Variants in RELN observed in about 807,000 individuals in gnomAD.
The protein encoded by RELN is reelin.
Under a neutral mutation model 427.6 loss-of-function variants are expected in RELN, and 108 were observed. The ratio of observed to expected loss-of-function variants is 0.25; its 90% confidence interval spans 0.22 to 0.30. The LOEUF is 0.30. Among genes scored for constraint, RELN ranks in the 10% least tolerant of loss-of-function variants. RELN has a pLI of 1.00. For synonymous variants in RELN, 1,524 were observed against 1,513.4 expected, an observed-to-expected ratio of 1.01 and a Z score of -0.16; for missense variants, 3,715 against 4,302.8, an observed-to-expected ratio of 0.86 and a Z score of 3.82.
At chr7:103,806,716 G>A (rs1009347789) in intron 3 of RELN, among the ~76,000 whole-genome samples, 9 of 152,060 alleles carry the variant, frequency 5.9e-5, no homozygotes, top group Non-Finnish European at 8.8e-5. Flanking sequence ...AAGAGAATCC[G>A]AAAAGTGAAT....
At position 103,772,739 on chromosome 7, in the gene RELN, C is replaced by T. The variant is rs562278276; in HGVS notation, c.544+3818G>A. Reference sequence around the variant, plus strand: ...TGCAGATAGCACCAGGATGATAGAGCGAGGTGCATTCAGGGAGTTTTAAGG... The same window carrying T: ...TGCAGATAGCACCAGGATGATAGAGTGAGGTGCATTCAGGGAGTTTTAAGG... On this transcript the variant is annotated intron_variant, in intron 4 of 64. Transcript: ENST00000428762. 3.9e-5 allele frequency among the ~76,000 whole-genome samples: 6 copies of T among 152,154 alleles called. No homozygotes were observed. In the East Asian group the frequency reaches 9.7e-4, roughly 24 times the overall value.
intron 1 of RELN, among the ~76,000 whole-genome samples, chr7:103,987,112 G>T (rs1797119267): frequency 6.8e-6 from 1 of 146,900 alleles, no homozygotes. Context: ...AAGGCCTATA[G>T]CTACAGCTAG....
chr7:103,600,180 AACC>A (rs1413388016), intron 24 of RELN, among the ~76,000 whole-genome samples: 1 of 152,206 alleles, frequency 6.6e-6, no homozygotes, highest in Non-Finnish European at 1.5e-5. Context: ...TACAGGTGTG[AACC>A]ACCACATCTG....
At chr7:103,508,938 TACAAG>T (rs1025348465) in intron 51 of RELN, among the ~76,000 whole-genome samples, 26 of 152,260 alleles carry the variant, frequency 1.7e-4, no homozygotes, top group Middle Eastern at 3.4e-3. Flanking sequence ...TAATACAACT[TACAAG>T]GGATGTGAAG....
intron 1 of RELN, among the ~76,000 whole-genome samples, chr7:103,948,038 CTT>C (rs1796255050): frequency 6.6e-6 from 1 of 152,100 alleles, no homozygotes; most frequent in Non-Finnish European, 1.5e-5. Flanking sequence ...AATAACATTA[CTT>C]TTGTTTCAGT....
At chr7:103,771,593 T>C (rs77502392) in intron 4 of RELN, among the ~76,000 whole-genome samples, 2 of 152,146 alleles carry the variant, frequency 1.3e-5, no homozygotes, top group Non-Finnish European at 2.9e-5. Context: ...TTGATTATCT[T>C]TTCTTCCAAA....
intron 15 of RELN, among the ~76,000 whole-genome samples, chr7:103,651,163 T>C (rs1832906258): frequency 6.6e-6 from 1 of 152,138 alleles, no homozygotes; most frequent in Non-Finnish European, 1.5e-5. Flanking sequence ...ATTTTTACTA[T>C]TCTCATAATG....
At chr7:103,735,966 G>A (rs541154467) in intron 6 of RELN, among the ~76,000 whole-genome samples, 4 of 152,154 alleles carry the variant, frequency 2.6e-5, no homozygotes, top group East Asian at 1.9e-4. Context: ...CTTTAAAACC[G>A]AAAAAGGAAA....
At chr7:103,959,762 A>G (rs1796509229) in intron 1 of RELN, among the ~76,000 whole-genome samples, 1 of 151,840 alleles carries the variant, frequency 6.6e-6, no homozygotes. Context: ...AGCATGCACC[A>G]CCACACTTGG....
Position 103,565,545 on chromosome 7 carries a change from G to T in RELN, c.4943C>A (p.Pro1648His), listed in dbSNP as rs749050390. 4 of 1,602,112 alleles carry T rather than the reference G, an allele frequency of 2.5e-6. No homozygotes were observed. Among genetic ancestry groups the T allele is most frequent in the South Asian group, 1.1e-5 (1 of 90,578 alleles). Residue 1648 changes from proline (P) to histidine (H), a missense_variant, in exon 34 of 65, where the codon CCT (proline) becomes CAT (histidine). Physicochemically the swap from Pro to His is moderately conservative, Grantham distance 77 (BLOSUM62 -2). Transcript: ENST00000428762. ...AAAATCCCAGGTCTCAGCATAACGA[G>T]GTTTTCCTGAAAAAAAAAAATGTGT... is the stretch of plus-strand genomic sequence containing the variant. ...ALIFTENIGK[P>H]RYAETWDFHV...
At chr7:103,955,346 T>C (rs1471416391) in intron 1 of RELN, among the ~76,000 whole-genome samples, 1 of 152,192 alleles carries the variant, frequency 6.6e-6, no homozygotes, top group African/African-American at 2.4e-5. Flanking sequence ...CCATGAACAG[T>C]AACTAAATTC....
At chr7:103,529,726 T>C (rs1197269825) in intron 46 of RELN, among the ~76,000 whole-genome samples, 3 of 152,146 alleles carry the variant, frequency 2.0e-5, no homozygotes, top group Non-Finnish European at 4.4e-5. Context: ...ACTAATACAG[T>C]GGTTAAGCTC....
intron 3 of RELN, among the ~76,000 whole-genome samples, chr7:103,798,174 A>G (rs1563019764): frequency 6.6e-6 from 1 of 152,296 alleles, no homozygotes; most frequent in East Asian, 1.9e-4. Flanking sequence ...GTTACTGAAT[A>G]TACCTCATTG....
chr7:103,692,207 A>C (rs1038731931), intron 10 of RELN, among the ~76,000 whole-genome samples: 2 of 152,156 alleles, frequency 1.3e-5, no homozygotes, highest in African/African-American at 4.8e-5. Context: ...ACGAAGGGGC[A>C]AGGAGCCCTC....
At chr7:103,794,241 G>A (rs1792241726) in intron 3 of RELN, among the ~76,000 whole-genome samples, 1 of 152,116 alleles carries the variant, frequency 6.6e-6, no homozygotes, top group Admixed American at 6.5e-5. Flanking sequence ...CTGGGCTCAA[G>A]GTTCAGGCAC....
At chr7:103,490,610 A>C in intron 59 of RELN, 58 bp downstream of exon 59, 2 of 1,571,988 alleles carry the variant, frequency 1.3e-6, no homozygotes, top group Non-Finnish European at 1.8e-6. Flanking sequence ...AGCTCACTGC[A>C]TGAACTCTGT....
chr7:103,817,389 A>T (rs1390445988), intron 3 of RELN, among the ~76,000 whole-genome samples: 2 of 152,210 alleles, frequency 1.3e-5, no homozygotes, highest in African/African-American at 4.8e-5. Flanking sequence ...GACAGGATCT[A>T]AATATGTGGC....
chr7:103,475,917 T>C (rs1828015987), intron 64 of RELN, among the ~76,000 whole-genome samples: 1 of 152,126 alleles, frequency 6.6e-6, no homozygotes, highest in Admixed American at 6.5e-5. Flanking sequence ...ATTTTAAATA[T>C]ATTTCTAATT....
At chr7:103,482,036 T>C (rs1349244049) in intron 63 of RELN, 1 of 152,010 alleles carries the variant, frequency 6.6e-6, no homozygotes, top group African/African-American at 2.4e-5. Flanking sequence ...GACTGGAAAA[T>C]TCAGCTCATG....
Sources: gnomAD v4.1 joint callset for allele counts (sites outside exome capture counted in the v4.1 genomes callset) on GRCh38, gnomAD v4.1.1 for gene constraint, MANE v1.5 for transcripts, NCBI Gene and HGNC (gene_info 2026-07-23, HGNC 2026-07-21) for gene names.